Variants in LY75 observed in about 807,000 individuals in gnomAD.
The protein encoded by LY75 is lymphocyte antigen 75, also known as C-type lectin domain family 13 member B.
In LY75, 185 loss-of-function variants were observed where a neutral mutation model predicts 231.7. The ratio of observed to expected loss-of-function variants is 0.80; its 90% CI spans 0.71 to 0.90. The LOEUF is 0.90. Among genes scored for constraint, LY75 ranks in the 40% least tolerant of loss-of-function variants. The pLI, the probability that LY75 is intolerant of heterozygous loss-of-function variation, is 0.00. For synonymous variants in LY75, 668 were observed against 689.0 expected (o/e 0.97, Z 0.48); for missense variants, 1,947 against 2,050.2 (o/e 0.95, Z 0.97).
At chr2:159,831,537 T>C in intron 28 of LY75, 133 bp downstream of exon 28, 5 of 953,524 alleles carry the variant, frequency 5.2e-6, no homozygotes, top group Non-Finnish European at 7.9e-6. Flanking sequence ...TTGGTATTTA[T>C]GTAAGTTATG....
intron 13 of LY75, among the ~76,000 whole-genome samples, chr2:159,867,737 G>C (rs1684898435): frequency 6.6e-6 from 1 of 152,104 alleles, no homozygotes; most frequent in South Asian, 2.1e-4. Context: ...ACATCACAGG[G>C]GGTAGTGTAC....
At chr2:159,844,281 C>T (rs1684129249) in intron 23 of LY75, among the ~76,000 whole-genome samples, 1 of 133,980 alleles carries the variant, frequency 7.5e-6, no homozygotes, top group African/African-American at 2.8e-5. Context: ...TGGTTTAATA[C>T]AATATCTACT....
At position 159,865,564 on chromosome 2, in the gene LY75, G is replaced by A. The variant is rs55804467; in HGVS notation, c.2118-644C>T. Reference sequence around the variant, plus strand: ...CTACCCTGAAATGTAATATGAAATAGAGAGATAAGATATATATGAACAAAA... The same window carrying A: ...CTACCCTGAAATGTAATATGAAATAAAGAGATAAGATATATATGAACAAAA... On this transcript the variant is annotated intron_variant, in intron 13 of 34. Transcript: ENST00000263636. Among the ~76,000 whole-genome samples the A allele has an allele frequency of 8.2e-4, 124 of 152,062 alleles. 1 individual carries two copies. The highest frequency in any genetic ancestry group is 2.8e-3 in the African/African-American group (118 of 41,544).
intron 14 of LY75, among the ~76,000 whole-genome samples, chr2:159,863,942 G>A (rs1684785863): frequency 6.6e-6 from 1 of 152,144 alleles, no homozygotes; most frequent in Non-Finnish European, 1.5e-5. Context: ...AGTCAGTACA[G>A]TAACATGTTC....
chr2:159,853,618 G>A lies in LY75; in HGVS notation c.2663+12C>T, dbSNP rs1028406868. The A allele has an allele frequency of 3.7e-6, 6 of 1,613,050 alleles. No homozygotes were observed. Among genetic ancestry groups the A allele is most frequent in the African/African-American group, 1.3e-5 (1 of 74,888 alleles). On this transcript the variant is annotated intron_variant, in intron 19 of 34. Coordinates refer to ENST00000263636, the MANE Select transcript of LY75 (RefSeq NM_002349.4). ...ATAACTTTACAAAGGTAGAATCAAT[G>A]ATGTCACCTACTATGTAAAATGATC... is the stretch of plus-strand genomic sequence containing the variant.
At chr2:159,896,919 T>C (rs1371668090) in intron 2 of LY75, among the ~76,000 whole-genome samples, 3 of 152,122 alleles carry the variant, frequency 2.0e-5, no homozygotes, top group East Asian at 3.8e-4. Context: ...AAAAAAGCTT[T>C]AGTGTTTCAA....
At chr2:159,818,490 A>G (rs1254692005) in intron 29 of LY75, among the ~76,000 whole-genome samples, 1 of 152,252 alleles carries the variant, frequency 6.6e-6, no homozygotes, top group Non-Finnish European at 1.5e-5. Context: ...GCCAGCAAAA[A>G]TAAGAAAAGT....
At chr2:159,841,226 C>A (rs1684017161) in intron 24 of LY75, among the ~76,000 whole-genome samples, 2 of 152,136 alleles carry the variant, frequency 1.3e-5, no homozygotes, top group South Asian at 4.1e-4. Context: ...ATGTAACCTG[C>A]ATTATCATGT....
intron 11 of LY75, among the ~76,000 whole-genome samples, chr2:159,876,577 A>G (rs897335549): frequency 3.3e-5 from 5 of 152,104 alleles, no homozygotes; most frequent in Non-Finnish European, 7.4e-5. Context: ...GATGGGTGCA[A>G]TAATGGTAAA....
At position 159,886,248 on chromosome 2, in the gene LY75, G is replaced by A. The variant is rs147443334; in HGVS notation, c.913+172C>T. Among the ~76,000 whole-genome samples the A allele has an allele frequency of 7.4e-4, 113 of 152,282 alleles. 2 individuals carry two copies. The East Asian group carries it at 0.019, about 25-fold the overall frequency. On this transcript the variant is annotated intron_variant, in intron 5 of 34. Transcript: ENST00000263636. Reference sequence around the variant, plus strand: ...AGTTGTCCATGGTGTGGTTCAGCTTGGCAATAACAGTACCACAATTAAGAA... The same window carrying A: ...AGTTGTCCATGGTGTGGTTCAGCTTAGCAATAACAGTACCACAATTAAGAA...
At chr2:159,872,196 T>A (rs1486254126) in intron 13 of LY75, 1 of 327,698 alleles carries the variant, frequency 3.1e-6, no homozygotes, top group Non-Finnish European at 5.5e-6. Flanking sequence ...ATATTCTAGA[T>A]TTTCTGCCAT....
At chr2:159,868,365 T>C (rs1356449766) in intron 13 of LY75, among the ~76,000 whole-genome samples, 2 of 152,196 alleles carry the variant, frequency 1.3e-5, no homozygotes, top group East Asian at 1.9e-4. Context: ...TAGTACATTC[T>C]ATGGAAAATA....
At chr2:159,808,009 G>A (rs1259915904) in intron 33 of LY75, 1 of 926,590 alleles carries the variant, frequency 1.1e-6, no homozygotes, top group Non-Finnish European at 1.3e-6. Context: ...TTTAACCAGT[G>A]GTAAAAATAT....
rs1195671740 is a variant in LY75, at chr2:159,885,019, C to A, written c.1054+134G>T. 12 of 1,213,556 alleles carry A rather than the reference C, an allele frequency of 9.9e-6. No homozygotes were observed. In the East Asian group the frequency reaches 3.0e-4, roughly 31 times the overall value. 75.2% of individuals were successfully genotyped at this position (1,213,556 alleles called of 1,614,324 possible). ...AATATCTAACCACAGGGTTAAAAAT[C>A]AAGTACTTTTCTGTACTGTCAGTAT... On this transcript the variant is annotated intron_variant, in intron 6 of 34. Transcript: ENST00000263636.
At chr2:159,845,375 A>T (rs1684168724) in intron 23 of LY75, among the ~76,000 whole-genome samples, 1 of 152,082 alleles carries the variant, frequency 6.6e-6, no homozygotes, top group Admixed American at 6.5e-5. Context: ...TATAGTTTTT[A>T]AAAATATGGT....
intron 23 of LY75, among the ~76,000 whole-genome samples, chr2:159,846,337 C>T (rs1415264446): frequency 6.6e-6 from 1 of 152,114 alleles, no homozygotes; most frequent in East Asian, 1.9e-4. Flanking sequence ...CCAGCCTGGG[C>T]AACACAATGA....
intron 7 of LY75, 142 bp downstream of exon 7, chr2:159,881,982 T>A: frequency 9.8e-7 from 1 of 1,016,454 alleles, no homozygotes; most frequent in Non-Finnish European, 1.4e-6. Flanking sequence ...TGTAGAACAG[T>A]TCCATCACCA....
chr2:159,903,602 T>G (rs1262016045), intron 1 of LY75: 1 of 152,216 alleles, frequency 6.6e-6, no homozygotes, highest in Non-Finnish European at 1.5e-5. Flanking sequence ...GTAACTTAGC[T>G]TAGCTGCAAA....
chr2:159,904,506 C>T, intron 1 of LY75, 83 bp downstream of exon 1: 1 of 1,380,898 alleles, frequency 7.2e-7, no homozygotes, highest in Admixed American at 3.1e-5. Flanking sequence ...CCCAGGGGCG[C>T]AGCCCTGCCC....
Sources: gnomAD v4.1 joint callset for allele counts (sites outside exome capture counted in the v4.1 genomes callset) on GRCh38, gnomAD v4.1.1 for gene constraint, MANE v1.5 for transcripts, NCBI Gene and HGNC (gene_info 2026-07-23, HGNC 2026-07-21) for gene names.